The following UBAP1L variants were observed in gnomAD, a reference collection of about 807,000 sequenced individuals.
UBAP1L encodes ubiquitin associated protein 1 like, also known as ubiquitin-associated protein 1-like.
A neutral mutation model predicts 32.1 loss-of-function variants in UBAP1L; 32 were observed. That is an observed-to-expected ratio of 1.00 (90% CI 0.75 to 1.34). The LOEUF (loss-of-function observed/expected upper bound fraction) is 1.34, where lower values mean the gene tolerates loss of function less well. UBAP1L is among the 40% of genes most tolerant of loss of function. The pLI, the probability that UBAP1L is intolerant of heterozygous loss-of-function variation, is 0.00. For synonymous variants in UBAP1L, 243 were observed against 250.2 expected (o/e 0.97, Z 0.27); for missense variants, 516 against 540.5 (o/e 0.95, Z 0.45).
Position 65,099,523 on chromosome 15 carries a change from C to G in UBAP1L, c.891G>C (p.Gly297=). Residue 297 remains glycine (G), a synonymous_variant, in exon 4 of 6, where the codon GGG becomes GGC. Coordinates refer to ENST00000559089, the MANE Select transcript of UBAP1L (RefSeq NM_001163692.2). ...RRAIIALQKT[G]RQSLSQFLSY... ...AACTCACCTGGCTCAGGCTCTGCCT[C>G]CCTGTCTTCTGCAGAGCTATGATGG... The G allele has an allele frequency of 4.5e-6, 7 of 1,550,616 alleles. No homozygotes were observed. Among genetic ancestry groups the G allele is most frequent in the Non-Finnish European group, 6.1e-6 (7 of 1,146,864 alleles).
At chr15:65,110,108 C>A (rs1450986049) in intron 1 of UBAP1L, among the ~76,000 whole-genome samples, 1 of 152,130 alleles carries the variant, frequency 6.6e-6, no homozygotes, top group Admixed American at 6.6e-5. Flanking sequence ...CGCCTGTAAT[C>A]CCAGCACTTT....
intron 1 of UBAP1L, among the ~76,000 whole-genome samples, chr15:65,108,777 A>AAATAAATT (rs1488829393): frequency 6.6e-6 from 1 of 151,066 alleles, no homozygotes; most frequent in African/African-American, 2.4e-5. Flanking sequence ...ATAAATAAAT[A>AAATAAATT]AATTAAATTT....
chr15:65,098,949 G>A (rs2946651), intron 4 of UBAP1L: 124,492 of 152,144 alleles, frequency 0.82, 51,174 homozygotes, highest in East Asian at 1. Flanking sequence ...ACCTCTTTTT[G>A]GGCACTTTGG....
chr15:65,107,933 A>C (rs2087334789), intron 1 of UBAP1L, among the ~76,000 whole-genome samples: 1 of 152,150 alleles, frequency 6.6e-6, no homozygotes, highest in Non-Finnish European at 1.5e-5. Context: ...TTCTCCTCCA[A>C]TTAATTTATT....
intron 1 of UBAP1L, among the ~76,000 whole-genome samples, chr15:65,111,542 T>C (rs746188078): frequency 1.3e-5 from 2 of 152,184 alleles, no homozygotes; most frequent in African/African-American, 2.4e-5. Flanking sequence ...AGTGCAGTAG[T>C]GCAATCTTCT....
At chr15:65,105,951 C>T (rs1485810739) in intron 2 of UBAP1L, 145 bp downstream of exon 2, 4 of 1,182,548 alleles carry the variant, frequency 3.4e-6, no homozygotes, top group Non-Finnish European at 4.8e-6. Context: ...TCACCACACC[C>T]AGCTAATTTT....
At chr15:65,093,661 T>C (rs1165696442) in intron 5 of UBAP1L, among the ~76,000 whole-genome samples, 2 of 152,160 alleles carry the variant, frequency 1.3e-5, no homozygotes, top group African/African-American at 4.8e-5. Context: ...CTTCCCCACC[T>C]CTGCTCACTC....
chr15:65,110,489 C>T (rs2087361647), intron 1 of UBAP1L, among the ~76,000 whole-genome samples: 1 of 151,182 alleles, frequency 6.6e-6, no homozygotes, highest in South Asian at 2.1e-4. Flanking sequence ...ACCAGCCTGG[C>T]CAACATGGTG....
chr15:65,093,057 T>C lies in UBAP1L; in HGVS notation c.*40A>G, dbSNP rs1009730155. Reference sequence around the variant, plus strand: ...TTAGGATGGGTTGCCAGGTCTGGCATTGGGCCTAGATGCCCAGGCATCGTG... The same window carrying C: ...TTAGGATGGGTTGCCAGGTCTGGCACTGGGCCTAGATGCCCAGGCATCGTG... On this transcript the variant is annotated 3_prime_UTR_variant, in exon 6 of 6. Coordinates refer to ENST00000559089, the MANE Select transcript of UBAP1L (RefSeq NM_001163692.2). 1.8e-5 allele frequency: 27 copies of C among 1,531,506 alleles called. No homozygotes were observed. The highest frequency in any genetic ancestry group is 3.6e-5 in the South Asian group (3 of 82,710). The allele number at this position is 1,531,506 out of a possible 1,614,324, so 94.9% of individuals were successfully genotyped here. A position where few individuals can be genotyped will look rare whatever the true frequency, so the allele number is the denominator to read the frequency against.
chr15:65,109,207 G>A (rs1400998651), intron 1 of UBAP1L, among the ~76,000 whole-genome samples: 29 of 144,574 alleles, frequency 2.0e-4, no homozygotes, highest in African/African-American at 5.1e-4. Flanking sequence ...CCATTTGGCC[G>A]GGCGTGGTGG....
chr15:65,110,998 G>A (rs188576094), intron 1 of UBAP1L, among the ~76,000 whole-genome samples: 21 of 152,304 alleles, frequency 1.4e-4, no homozygotes, highest in Admixed American at 3.3e-4. Context: ...AATGAAGGCA[G>A]GTAGGCAAAT....
chr15:65,093,898 T>A (rs1353400266), intron 5 of UBAP1L, among the ~76,000 whole-genome samples: 1 of 151,250 alleles, frequency 6.6e-6, no homozygotes, highest in South Asian at 2.1e-4. Flanking sequence ...ACAAAAAAAA[T>A]TAGCAGGGTG....
chr15:65,093,111 C>T lies in UBAP1L; in HGVS notation c.1132G>A (p.Ala378Thr). 6.5e-7 allele frequency: 1 copy of T among 1,548,948 alleles called. No individual in the cohort carries two copies. Among genetic ancestry groups the T allele is most frequent in the Non-Finnish European group, 8.7e-7 (1 of 1,146,456 alleles). ...TGCCTCCGTGGTCACTGGGCACAGG[C>T]CACCAGCTCCTCCAGGGCTTGCTCT... ...RREQALEELV[A>T]CAQ Residue 378 changes from alanine (A) to threonine (T), a missense_variant, in exon 6 of 6, where the codon GCC becomes ACC. Transcript: ENST00000559089.
intron 1 of UBAP1L, among the ~76,000 whole-genome samples, chr15:65,108,765 A>T (rs1051101814): frequency 2.5e-4 from 37 of 150,720 alleles, no homozygotes; most frequent in Admixed American, 1.5e-3. Context: ...ATAAATAAAT[A>T]AATAAATAAA....
Position 65,098,753 on chromosome 15 carries a change from G to A in UBAP1L, c.909+752C>T, listed in dbSNP as rs1474910835. 3 of 152,238 alleles carry A rather than the reference G, an allele frequency of 2.0e-5. No individual in the cohort carries two copies. In the East Asian group the frequency reaches 5.8e-4, roughly 29 times the overall value. 9.4% of individuals were successfully genotyped at this position (152,238 alleles called of 1,614,324 possible). A position where few individuals can be genotyped will look rare whatever the true frequency, so the allele number is the denominator to read the frequency against. ...CAAACTGTAGCCACATGAGACTGCAGGTGAGATGAGCAGAAGAACCCCCTA... is the reference window on the plus strand; with the variant it reads ...CAAACTGTAGCCACATGAGACTGCAAGTGAGATGAGCAGAAGAACCCCCTA... On this transcript the variant is annotated intron_variant, in intron 4 of 5. Coordinates refer to ENST00000559089, the MANE Select transcript of UBAP1L (RefSeq NM_001163692.2).
At chr15:65,104,951 G>A (rs1419596621) in intron 2 of UBAP1L, 1 of 352,782 alleles carries the variant, frequency 2.8e-6, no homozygotes, top group South Asian at 2.0e-5. Flanking sequence ...AGGTTGCAGT[G>A]AGCCGAGATT....
intron 4 of UBAP1L, chr15:65,095,297 C>A: frequency 6.6e-6 from 1 of 152,646 alleles, no homozygotes. Context: ...CTTCCCTGTC[C>A]CTGGGAAGCT....
intron 1 of UBAP1L, among the ~76,000 whole-genome samples, chr15:65,113,196 C>T (rs1486929755): frequency 5.9e-5 from 9 of 152,084 alleles, no homozygotes; most frequent in Admixed American, 5.9e-4. Context: ...CATAGCAAGA[C>T]CCCTTCTTTA....
At position 65,102,930 on chromosome 15, in the gene UBAP1L, C is replaced by A. The variant is rs1442977389; in HGVS notation, c.121-246G>T. ...ATGACAAAGTGATGAATTCGTCAGT[C>A]GAATGAAATGTAATGAAACCCAACA... is the stretch of plus-strand genomic sequence containing the variant. On this transcript the variant is annotated intron_variant, in intron 2 of 5. Coordinates refer to ENST00000559089, the MANE Select transcript of UBAP1L (RefSeq NM_001163692.2). The surrounding 1 kb of genome is among the most constrained non-coding windows in gnomAD (Gnocchi z 5.0). 6.6e-6 allele frequency among the ~76,000 whole-genome samples: 1 copy of A among 152,188 alleles called. No individual in the cohort carries two copies. Among genetic ancestry groups the A allele is most frequent in the Non-Finnish European group, 1.5e-5 (1 of 68,044 alleles).
Sources: gnomAD v4.1 joint callset for allele counts (sites outside exome capture counted in the v4.1 genomes callset) on GRCh38, gnomAD v4.1.1 for gene constraint, Gnocchi (gnomAD v3.1) non-coding constraint, MANE v1.5 for transcripts, NCBI Gene and HGNC (gene_info 2026-07-23, HGNC 2026-07-21) for gene names.